The following SUZ12 variants were observed in gnomAD, a reference collection of about 807,000 sequenced individuals.
SUZ12 encodes polycomb protein SUZ12.
SUZ12 carries 17 observed loss-of-function variants against 87.3 expected under a neutral mutation model. The observed-to-expected ratio is 0.19, with a 90% confidence interval of 0.13 to 0.29. SUZ12 has a LOEUF of 0.29. Ranked by LOEUF, SUZ12 falls within the 10% of genes least tolerant of loss-of-function variation. SUZ12 has a pLI of 1.00. For missense variants in SUZ12, 526 were observed against 912.2 expected (o/e 0.58, Z 5.45); for synonymous variants, 253 against 312.4 (o/e 0.81, Z 2.01).
chr17:31,966,076 T>C lies in SUZ12; in HGVS notation c.456-71T>C, dbSNP rs533183554. The C allele has an allele frequency of 8.1e-5, 109 of 1,341,464 alleles. No individual in the cohort carries two copies. In the East Asian group the frequency reaches 2.5e-3, roughly 31 times the overall value. The allele number at this position is 1,341,464 out of a possible 1,614,324, so 83.1% of individuals were successfully genotyped here. A position where few individuals can be genotyped will look rare whatever the true frequency, so the allele number is the denominator to read the frequency against. On this transcript the variant is annotated intron_variant, in intron 4 of 15. Transcript: ENST00000322652. ...TGAAGTAACTTTGATTTCAATGTTA[T>C]ATTTTAAAGTCTAGGTTATTTTACT...
chr17:31,983,589 G>T (rs1317764876), intron 9 of SUZ12, among the ~76,000 whole-genome samples: 1 of 152,068 alleles, frequency 6.6e-6, no homozygotes. Flanking sequence ...CACACGGAAG[G>T]CATCATACTT....
At chr17:31,986,068 A>G (rs891985825) in intron 9 of SUZ12, among the ~76,000 whole-genome samples, 19 of 152,038 alleles carry the variant, frequency 1.2e-4, no homozygotes, top group Non-Finnish European at 2.6e-4. Flanking sequence ...TCCTGGGTTC[A>G]AGCAATTCTC....
chr17:31,961,304 T>C (rs1449649535), intron 4 of SUZ12, among the ~76,000 whole-genome samples: 73 of 152,130 alleles, frequency 4.8e-4, no homozygotes, highest in Non-Finnish European at 4.4e-5. Flanking sequence ...ATCTCAGCAC[T>C]GGGAGGCCGA....
intron 15 of SUZ12, among the ~76,000 whole-genome samples, 178 bp from the exon 16 acceptor site, chr17:31,998,480 T>A (rs1009623934): frequency 6.6e-6 from 1 of 152,212 alleles, no homozygotes; most frequent in African/African-American, 2.4e-5. Flanking sequence ...TCTCTTGAAA[T>A]TTTTAAAATG....
intron 6 of SUZ12, among the ~76,000 whole-genome samples, chr17:31,974,960 T>G (rs1469524564): frequency 6.6e-6 from 1 of 152,224 alleles, no homozygotes; most frequent in African/African-American, 2.4e-5. Flanking sequence ...GATGATTCTT[T>G]CTGTTAAACA....
In SUZ12 at chr17:31,975,489, G is replaced by A. The variant is rs1908688841; in HGVS notation, c.599G>A (p.Ser200Asn). The change falls in exon 7 of 16, where the codon AGT (serine) becomes AAT (asparagine). Residue 200 changes from serine (S) to asparagine (N), a missense_variant. Ser to Asn is a conservative substitution (Grantham distance 46). Transcript: ENST00000322652. ...KVCHKKRKDV[S>N]CPIRQVPTGK... ...TAATGTTTACCTTTGCAGGATGTAA[G>A]TTGTCCAATAAGGCAAGTTCCCACA... is the stretch of plus-strand genomic sequence containing the variant. 2.5e-6 allele frequency: 4 copies of A among 1,611,392 alleles called. No individual in the cohort carries two copies. Among genetic ancestry groups the A allele is most frequent in the Admixed American group, 1.7e-5 (1 of 59,658 alleles).
Position 32,000,435 on chromosome 17 carries a change from C to T in SUZ12, c.*1432C>T. Reference sequence around the variant, plus strand: ...GAATAGTGTGGATGTGATTTGTCATCCAGTATTAAGTTCTTAGTCATTGAT... The same window carrying T: ...GAATAGTGTGGATGTGATTTGTCATTCAGTATTAAGTTCTTAGTCATTGAT... On this transcript the variant is annotated 3_prime_UTR_variant, in exon 16 of 16. Coordinates refer to ENST00000322652, the MANE Select transcript of SUZ12 (RefSeq NM_015355.4). 4.3e-6 allele frequency: 1 copy of T among 232,228 alleles called. No individual in the cohort carries two copies. Among genetic ancestry groups the T allele is most frequent in the Non-Finnish European group, 8.5e-6 (1 of 117,648 alleles). 14.4% of individuals were successfully genotyped at this position (232,228 alleles called of 1,614,324 possible).
chr17:31,991,280 G>T (rs938827040), intron 10 of SUZ12, among the ~76,000 whole-genome samples: 2 of 152,006 alleles, frequency 1.3e-5, no homozygotes, highest in African/African-American at 2.4e-5. Flanking sequence ...GGGAGACCAG[G>T]GTGGGTGGAT....
At chr17:31,977,098 G>T (rs1355866466) in intron 8 of SUZ12, among the ~76,000 whole-genome samples, 2 of 152,058 alleles carry the variant, frequency 1.3e-5, no homozygotes, top group Non-Finnish European at 2.9e-5. Flanking sequence ...AAATCTTGGG[G>T]TTATGTGTTT....
chr17:31,999,197 T>A lies in SUZ12; in HGVS notation c.*194T>A. 1 of 412,864 alleles carries A rather than the reference T, an allele frequency of 2.4e-6. No homozygotes were observed. The highest frequency in any genetic ancestry group is 7.5e-5 in the South Asian group (1 of 13,380). The allele number at this position is 412,864 out of a possible 1,614,324, so 25.6% of individuals were successfully genotyped here. Reference sequence around the variant, plus strand: ...TGCAGCATTACATGTATATCACTTTTATTGATGTCATTAAAACATTCTGTA... The same window carrying A: ...TGCAGCATTACATGTATATCACTTTAATTGATGTCATTAAAACATTCTGTA... On this transcript the variant is annotated 3_prime_UTR_variant, in exon 16 of 16. Transcript: ENST00000322652.
chr17:31,994,768 T>G (rs569478125), intron 13 of SUZ12, 47 bp downstream of exon 13: 5 of 1,579,772 alleles, frequency 3.2e-6, no homozygotes, highest in African/African-American at 1.4e-5. Context: ...TGATTTTTAC[T>G]GATGTTGGAG....
intron 9 of SUZ12, among the ~76,000 whole-genome samples, chr17:31,986,543 T>G (rs1909429443): frequency 6.6e-6 from 1 of 150,754 alleles, no homozygotes. Flanking sequence ...GTCTAAGTAG[T>G]TTTTTGTTTT....
intron 4 of SUZ12, among the ~76,000 whole-genome samples, chr17:31,962,622 T>C (rs183370344): frequency 6.6e-6 from 1 of 152,222 alleles, no homozygotes; most frequent in East Asian, 1.9e-4. Flanking sequence ...AGCCTCACAC[T>C]CTCTGTGAGA....
At chr17:31,938,656 G>A (rs1280041501) in intron 1 of SUZ12, among the ~76,000 whole-genome samples, 4 of 152,172 alleles carry the variant, frequency 2.6e-5, no homozygotes, top group Non-Finnish European at 5.9e-5. Context: ...GCTTTAATTG[G>A]AAATAGGATG....
chr17:31,947,674 A>G lies in SUZ12; in HGVS notation c.444A>G (p.Gln148=). ...AAGTAGAGAAAATGAAAGGAGAGCA[A>G]GAATCTCATAGGTAAGATAATCTAT... ...LSKVEKMKGE[Q]ESHSLSAHLQ... The change falls in exon 4 of 16, where the codon CAA becomes CAG. Residue 148 remains glutamine (Q), a synonymous_variant. Transcript: ENST00000322652. 6.2e-7 allele frequency: 1 copy of G among 1,608,078 alleles called. No individual in the cohort carries two copies. Among genetic ancestry groups the G allele is most frequent in the South Asian group, 1.1e-5 (1 of 90,596 alleles).
At chr17:31,984,833 C>T (rs1211461412) in intron 9 of SUZ12, among the ~76,000 whole-genome samples, 1 of 152,162 alleles carries the variant, frequency 6.6e-6, no homozygotes, top group African/African-American at 2.4e-5. Flanking sequence ...CGTGAGGACA[C>T]ATATACTCTC....
intron 13 of SUZ12, among the ~76,000 whole-genome samples, chr17:31,994,970 G>A (rs1281396692): frequency 1.3e-5 from 2 of 152,164 alleles, no homozygotes; most frequent in Non-Finnish European, 2.9e-5. Context: ...TGCTGCAGTG[G>A]TTTGGGATTA....
At chr17:31,940,546 C>G in intron 3 of SUZ12, 60 bp downstream of exon 3, 1 of 1,493,144 alleles carries the variant, frequency 6.7e-7, no homozygotes, top group Non-Finnish European at 8.9e-7. Flanking sequence ...TTTTAAAGTA[C>G]TATTTCTCAA....
At chr17:31,988,254 A>G in intron 9 of SUZ12, 66 bp from the exon 10 acceptor site, 1 of 1,426,816 alleles carries the variant, frequency 7.0e-7, no homozygotes, top group Admixed American at 2.5e-5. Flanking sequence ...AATTTTTTTT[A>G]ATTTCTACAA....
Sources: gnomAD v4.1 joint callset for allele counts (sites outside exome capture counted in the v4.1 genomes callset) on GRCh38, gnomAD v4.1.1 for gene constraint, MANE v1.5 for transcripts, NCBI Gene and HGNC (gene_info 2026-07-23, HGNC 2026-07-21) for gene names.